The following ETV1 variants were observed in gnomAD, a reference collection of about 807,000 sequenced individuals.
ETV1 encodes ETS variant transcription factor 1, also known as ETS translocation variant 1.
Under a neutral mutation model 62.3 loss-of-function variants are expected in ETV1, and 27 were observed. The ratio of observed to expected loss-of-function variants is 0.43; its 90% CI spans 0.32 to 0.60. The LOEUF is 0.60. ETV1 is among the 20% of genes least tolerant of loss of function. ETV1 has a pLI of 0.06. For synonymous variants in ETV1, 222 were observed against 199.6 expected (o/e 1.11, Z -0.94); for missense variants, 605 against 605.8 (o/e 1.00, Z 0.01).
chr7:13,925,262 A>G (rs1053482131), intron 9 of ETV1, among the ~76,000 whole-genome samples: 19 of 152,174 alleles, frequency 1.2e-4, no homozygotes, highest in African/African-American at 4.6e-4. Flanking sequence ...CTTCAGGGCT[A>G]AAAACACCTT....
chr7:13,937,790 C>CT (rs1012641102), intron 7 of ETV1, among the ~76,000 whole-genome samples: 1 of 152,158 alleles, frequency 6.6e-6, no homozygotes, highest in African/African-American at 2.4e-5. Flanking sequence ...TACAAGAGAC[C>CT]TTTTTTATAA....
chr7:13,950,369 TGAGA>T lies in ETV1; in HGVS notation c.236-11127_236-11124del, dbSNP rs148130237. 4.0e-5 allele frequency among the ~76,000 whole-genome samples: 6 copies of T among 150,296 alleles called. No individual in the cohort carries two copies. The East Asian group carries it at 7.8e-4, about 19-fold the overall frequency. On this transcript the variant is annotated intron_variant, in intron 6 of 13. Coordinates refer to ENST00000430479, the MANE Select transcript of ETV1 (RefSeq NM_004956.5). The stretch of plus-strand genomic sequence containing the variant: ...AAACTTTTGTGAGTGTGTGTGTGTA[TGAGA>T]GAGAGAGAGAGAGATCCCAAACTCC...
At chr7:13,952,709 T>C (rs1290103184) in intron 6 of ETV1, among the ~76,000 whole-genome samples, 2 of 151,982 alleles carry the variant, frequency 1.3e-5, no homozygotes, top group African/African-American at 4.8e-5. Context: ...CACATTTCAG[T>C]AGGAAATGTG....
chr7:13,982,810 T>C (rs954272175), intron 5 of ETV1, among the ~76,000 whole-genome samples: 1 of 151,988 alleles, frequency 6.6e-6, no homozygotes, highest in African/African-American at 2.4e-5. Flanking sequence ...ACCAATTTTA[T>C]GTTCCATTAA....
intron 9 of ETV1, among the ~76,000 whole-genome samples, chr7:13,926,915 A>G (rs1315738721): frequency 1.3e-5 from 2 of 152,122 alleles, no homozygotes; most frequent in Non-Finnish European, 2.9e-5. Context: ...TTTATCTTAA[A>G]TATTAGGCAG....
In ETV1 at chr7:13,892,420, G is replaced by C. The variant is rs1781443062; in HGVS notation, c.*3446C>G. 1 of 232,592 alleles carries C rather than the reference G, an allele frequency of 4.3e-6. No individual in the cohort carries two copies. Among genetic ancestry groups the C allele is most frequent in the Non-Finnish European group, 8.5e-6 (1 of 117,684 alleles). The allele number at this position is 232,592 out of a possible 1,614,324, so 14.4% of individuals were successfully genotyped here. ...CAGAATAAGGGGAAAATATCTCAGT[G>C]GTAAATAAAAGCAAACTCTAGTACT... On this transcript the variant is annotated 3_prime_UTR_variant, in exon 14 of 14. Coordinates refer to ENST00000430479, the MANE Select transcript of ETV1 (RefSeq NM_004956.5).
At position 13,935,712 on chromosome 7, in the gene ETV1, G is replaced by A. The variant is rs1786726622; in HGVS notation, c.550C>T (p.His184Tyr). The A allele has an allele frequency of 6.2e-7, 1 of 1,613,160 alleles. No homozygotes were observed. Among genetic ancestry groups the A allele is most frequent in the Non-Finnish European group, 8.5e-7 (1 of 1,179,370 alleles). The part of the protein sequence containing the change: ...SIPDSSYPMD[H>Y]RFRRQLSEPC... ...AAACTGGTATCTGCAGGTTACCTGT[G>A]GTCCATGGGGTAGCTGCTATCTGGT... is the stretch of plus-strand genomic sequence containing the variant. Residue 184 changes from histidine (H) to tyrosine (Y), a missense_variant, in exon 8 of 14, where the codon CAC (histidine) becomes TAC (tyrosine). By Grantham distance (83) the His-to-Tyr change is moderately conservative. This residue lies in a region of ETV1 where 426 missense variants were observed against 377.8 expected (regional missense o/e 1.13). Coordinates refer to ENST00000430479, the MANE Select transcript of ETV1 (RefSeq NM_004956.5).
At chr7:13,939,959 T>A (rs1787286564) in intron 6 of ETV1, among the ~76,000 whole-genome samples, 1 of 152,248 alleles carries the variant, frequency 6.6e-6, no homozygotes, top group Non-Finnish European at 1.5e-5. Context: ...TGCACAGTAA[T>A]GCTTATATGC....
At chr7:13,937,039 C>T in intron 7 of ETV1, among the ~76,000 whole-genome samples, 1 of 135,570 alleles carries the variant, frequency 7.4e-6, no homozygotes, top group Non-Finnish European at 1.7e-5. Flanking sequence ...GAGACCCTGT[C>T]TCAAAAAAAA....
chr7:13,939,912 T>C (rs1787281062), intron 6 of ETV1, among the ~76,000 whole-genome samples: 1 of 152,238 alleles, frequency 6.6e-6, no homozygotes, highest in African/African-American at 2.4e-5. Context: ...AATTATTCTA[T>C]ATGAAATGAT....
intron 6 of ETV1, among the ~76,000 whole-genome samples, chr7:13,964,728 T>C (rs906371900): frequency 6.7e-6 from 1 of 148,928 alleles, no homozygotes; most frequent in African/African-American, 2.6e-5. Context: ...GTATCTGGAA[T>C]AAGATACTGG....
At chr7:13,945,792 C>T (rs1405328750) in intron 6 of ETV1, among the ~76,000 whole-genome samples, 3 of 152,236 alleles carry the variant, frequency 2.0e-5, no homozygotes, top group Non-Finnish European at 4.4e-5. Context: ...GGCACAGGCA[C>T]AAGCGAAAGC....
intron 12 of ETV1, among the ~76,000 whole-genome samples, chr7:13,901,957 C>G (rs1404872134): frequency 6.6e-6 from 1 of 152,120 alleles, no homozygotes; most frequent in East Asian, 1.9e-4. Context: ...CCTCTCTCCT[C>G]AATGTATATA....
chr7:13,906,050 A>G (rs1859508), intron 12 of ETV1: 113,138 of 161,656 alleles, frequency 0.7, 40,059 homozygotes, highest in African/African-American at 0.82. Context: ...TAATTCACCC[A>G]TCCCCCAACC....
intron 6 of ETV1, among the ~76,000 whole-genome samples, chr7:13,960,261 A>G (rs1042401506): frequency 1.3e-5 from 2 of 152,174 alleles, no homozygotes; most frequent in Admixed American, 6.5e-5. Context: ...ATCATCTTAA[A>G]TTCCTTTAAT....
At chr7:13,981,496 C>G (rs4721291) in intron 5 of ETV1, among the ~76,000 whole-genome samples, 86,623 of 151,144 alleles carry the variant, frequency 0.57, 25,090 homozygotes, top group African/African-American at 0.64. Flanking sequence ...ATGACGTTTA[C>G]AAAGTTACAT....
At chr7:13,949,589 C>G (rs1414379739) in intron 6 of ETV1, among the ~76,000 whole-genome samples, 1 of 152,154 alleles carries the variant, frequency 6.6e-6, no homozygotes, top group East Asian at 1.9e-4. Flanking sequence ...CTCACACATA[C>G]ACACACCAAT....
At chr7:13,952,471 A>T (rs2128473449) in intron 6 of ETV1, among the ~76,000 whole-genome samples, 1 of 152,332 alleles carries the variant, frequency 6.6e-6, no homozygotes, top group African/African-American at 2.4e-5. Context: ...ATTTTAGCAA[A>T]GGGTGGCAAC....
rs1781577838 is a variant in ETV1 at position 13,894,149 on chromosome 7, T to G, written c.*1717A>C. On this transcript the variant is annotated 3_prime_UTR_variant, in exon 14 of 14. Transcript: ENST00000430479. ...CAATAGGTTTATTTTGACTTTGTGT[T>G]TAGAATTTTTTTTTTTTTTTGCTTT... 4.4e-6 allele frequency: 1 copy of G among 226,310 alleles called. No individual in the cohort carries two copies. The highest frequency in any genetic ancestry group is 8.6e-6 in the Non-Finnish European group (1 of 116,612). 14.0% of individuals were successfully genotyped at this position (226,310 alleles called of 1,614,324 possible). A position where few individuals can be genotyped will look rare whatever the true frequency, so the allele number is the denominator to read the frequency against.
Sources: allele counts gnomAD v4.1 joint callset (sites outside exome capture counted in the v4.1 genomes callset), GRCh38; gene constraint gnomAD v4.1.1; regional missense constraint gnomAD v4.1.1; transcripts MANE v1.5; gene names NCBI Gene and HGNC (gene_info 2026-07-23, HGNC 2026-07-21).